The following VWF variants were observed in gnomAD, a reference collection of about 807,000 sequenced individuals.
VWF encodes von Willebrand factor.
VWF carries 176 observed loss-of-function variants against 308.6 expected under a neutral mutation model. That is an observed-to-expected ratio of 0.57 (90% CI 0.50 to 0.65). VWF has a LOEUF of 0.65. Among genes scored for constraint, VWF ranks in the 30% least tolerant of loss-of-function variants. The pLI, the probability that VWF is intolerant of heterozygous loss-of-function variation, is 0.00. For synonymous variants in VWF, 1,385 were observed against 1,443.4 expected (o/e 0.96, Z 0.92); for missense variants, 3,146 against 3,648.2 (o/e 0.86, Z 3.55).
rs1045504091 is a variant in VWF at position 6,071,353 on chromosome 12, G to A, written c.1110-10C>T. The A allele has an allele frequency of 3.1e-6, 5 of 1,614,084 alleles. No homozygotes were observed. The highest frequency in any genetic ancestry group is 4.2e-6 in the Non-Finnish European group (5 of 1,180,002). The stretch of plus-strand genomic sequence containing the variant: ...GCTGTTTCGGCAAATGCTGTTGGAG[G>A]GAAAAAGCACAGGTCATTGGTGGTT... On this transcript the variant is annotated splice_polypyrimidine_tract_variant and intron_variant, in intron 9 of 51. Coordinates refer to ENST00000261405, the MANE Select transcript of VWF (RefSeq NM_000552.5).
In VWF at chr12:6,057,893, A is replaced by T; in HGVS notation, c.1685T>A (p.Leu562Gln). The T allele has an allele frequency of 6.2e-7, 1 of 1,611,734 alleles. No individual in the cohort carries two copies. The highest frequency in any genetic ancestry group is 8.5e-7 in the Non-Finnish European group (1 of 1,178,754). The stretch of plus-strand genomic sequence containing the variant: ...GCAGGGATCGCTGTGCTGCTTCTGC[A>T]GGTCCTGGCAGTCCCCGTGCAGCTT... ...AWKLHGDCQD[L>Q]QKQHSDPCAL... is the part of the protein sequence containing the mutation. The change falls in exon 14 of 52, where the codon CTG becomes CAG. Residue 562 changes from leucine to glutamine, a missense_variant. Transcript: ENST00000261405.
At chr12:5,972,666 C>T (rs144097844) in intron 43 of VWF, among the ~76,000 whole-genome samples, 1 of 152,188 alleles carries the variant, frequency 6.6e-6, no homozygotes, top group African/African-American at 2.4e-5. Flanking sequence ...ACGAGACCTA[C>T]TGATATCACC....
Position 6,058,115 on chromosome 12 carries a change from A to T in VWF, c.1534-71T>A. The T allele has an allele frequency of 6.6e-7, 1 of 1,508,828 alleles. No individual in the cohort carries two copies. Among genetic ancestry groups the T allele is most frequent in the Non-Finnish European group, 9.0e-7 (1 of 1,113,728 alleles). The allele number at this position is 1,508,828 out of a possible 1,614,324, so 93.5% of individuals were successfully genotyped here. A position where few individuals can be genotyped will look rare whatever the true frequency, so the allele number is the denominator to read the frequency against. The stretch of plus-strand genomic sequence containing the variant: ...GCGGCATAGTTGTTTAGCTAATGAG[A>T]TGGTTTTAATAAAAAAAAAAAAGTT... On this transcript the variant is annotated intron_variant, in intron 13 of 51. Transcript: ENST00000261405. The surrounding 1 kb of genome is among the most constrained non-coding windows in gnomAD (Gnocchi z 4.9).
At chr12:6,066,064 G>A (rs1403708477) in intron 10 of VWF, among the ~76,000 whole-genome samples, 2 of 152,188 alleles carry the variant, frequency 1.3e-5, no homozygotes, top group Admixed American at 6.5e-5. Flanking sequence ...TGTGGGTGGG[G>A]ACTAGGACTC....
At chr12:6,026,636 G>A (rs1019518192) in intron 22 of VWF, among the ~76,000 whole-genome samples, 4 of 152,188 alleles carry the variant, frequency 2.6e-5, no homozygotes, top group African/African-American at 9.7e-5. Context: ...AAGTAGTTAC[G>A]AATGAGTGAG....
At position 6,029,477 on chromosome 12, in the gene VWF, C is replaced by A; in HGVS notation, c.2832G>T (p.Lys944Asn). Residue 944 changes from lysine to asparagine, a missense_variant, in exon 22 of 52, where the codon AAG (lysine) becomes AAT (asparagine). Lys to Asn is a moderately conservative substitution (Grantham distance 94, BLOSUM62 0). Transcript: ENST00000261405. Reference protein sequence around the residue: ...IELFDGEVNVKRPMKDETHFE... With the variant: ...IELFDGEVNVNRPMKDETHFE... The stretch of plus-strand genomic sequence containing the variant: ...AGTGAGTCTCATCCTTCATGGGCCT[C>A]TTCACATTCACCTGGAGGAAGACAA... The A allele has an allele frequency of 6.2e-7, 1 of 1,614,170 alleles. No individual in the cohort carries two copies. The highest frequency in any genetic ancestry group is 8.5e-7 in the Non-Finnish European group (1 of 1,180,036).
chr12:5,949,300 C>T (rs1943151224), intron 51 of VWF, 97 bp from the exon 52 acceptor site: 4 of 1,305,364 alleles, frequency 3.1e-6, no homozygotes, highest in Non-Finnish European at 4.3e-6. Context: ...TGACCCCCTC[C>T]AAGCAAGGCA....
intron 6 of VWF, among the ~76,000 whole-genome samples, chr12:6,085,343 T>C (rs922238834): frequency 1.1e-4 from 16 of 152,230 alleles, no homozygotes; most frequent in African/African-American, 3.9e-4. Context: ...ACTTGGCGAT[T>C]TGTCATTTAC....
rs1307718211 is a variant in VWF, at chr12:6,057,003, C to T, written c.1799G>A (p.Ser600Asn). Reference sequence around the variant, plus strand: ...GCAGTTCCGCAGGTAGGGCAGCGGGCTGACGGCACGATGGCAGGCCTCGAA... The same window carrying T: ...GCAGTTCCGCAGGTAGGGCAGCGGGTTGACGGCACGATGGCAGGCCTCGAA... ...PTFEACHRAVSPLPYLRNCRY... is the reference protein window; with the variant it reads ...PTFEACHRAVNPLPYLRNCRY... The change falls in exon 15 of 52, where the codon AGC (serine) becomes AAC (asparagine). Residue 600 changes from serine (S) to asparagine (N), a missense_variant. Ser to Asn is a conservative substitution (Grantham distance 46). Around this residue, in one of 3 missense-constraint regions of VWF, gnomAD observed 1,304 missense variants for 1,353.0 expected, o/e 0.96. Coordinates refer to ENST00000261405, the MANE Select transcript of VWF (RefSeq NM_000552.5). 2.1e-5 allele frequency: 32 copies of T among 1,548,270 alleles called. No homozygotes were observed. Among genetic ancestry groups the T allele is most frequent in the Non-Finnish European group, 2.7e-5 (31 of 1,151,886 alleles).
chr12:6,044,268 C>G (rs1220558384), intron 18 of VWF, 23 bp downstream of exon 18: 2 of 1,613,644 alleles, frequency 1.2e-6, no homozygotes, highest in Non-Finnish European at 1.7e-6. Flanking sequence ...GGGCAGGCAC[C>G]AGCTCTGTGC....
At chr12:5,976,962 G>T (rs1205027306) in intron 42 of VWF, among the ~76,000 whole-genome samples, 1 of 152,188 alleles carries the variant, frequency 6.6e-6, no homozygotes, top group Non-Finnish European at 1.5e-5. Context: ...TGACAGTTTT[G>T]AAATTAATCC....
At chr12:6,103,395 T>TACACACGTGTGTGTATAC (rs202145763) in intron 5 of VWF, among the ~76,000 whole-genome samples, 7 of 106,644 alleles carry the variant, frequency 6.6e-5, no homozygotes, top group Non-Finnish European at 1.2e-4. Flanking sequence ...CGTGTGTGTA[T>TACACACGTGTGTGTATAC]ACACGTGTGT....
chr12:5,955,342 T>C (rs1297747020), intron 47 of VWF, among the ~76,000 whole-genome samples: 2 of 152,096 alleles, frequency 1.3e-5, no homozygotes, highest in African/African-American at 4.8e-5. Flanking sequence ...GCATTACGTA[T>C]ATCTCCTAAT....
intron 37 of VWF, among the ~76,000 whole-genome samples, 170 bp from the exon 38 acceptor site, chr12:5,992,188 G>A (rs189686075): frequency 1.2e-4 from 19 of 152,306 alleles, no homozygotes; most frequent in Non-Finnish European, 2.4e-4. Context: ...TTTAGGCTGG[G>A]CATATGACCA....
chr12:6,112,359 TG>T (rs1945317027), intron 3 of VWF, among the ~76,000 whole-genome samples: 3 of 152,204 alleles, frequency 2.0e-5, no homozygotes, highest in Admixed American at 2.0e-4. Flanking sequence ...CTACTCGTGG[TG>T]GGTCTTTGAT....
In VWF at chr12:6,110,586, G is replaced by A; in HGVS notation, c.324-4C>T. 6.2e-7 allele frequency: 1 copy of A among 1,614,082 alleles called. No homozygotes were observed. Among genetic ancestry groups the A allele is most frequent in the Non-Finnish European group, 8.5e-7 (1 of 1,179,984 alleles). On this transcript the variant is annotated splice_region_variant and splice_polypyrimidine_tract_variant and intron_variant, in intron 4 of 51. Transcript: ENST00000261405. The stretch of plus-strand genomic sequence containing the variant: ...GGAGGCATAGGGCATGGAGACTCTG[G>A]AGGGCAAAGGCTAAGTTCAGAAGTG...
At position 6,071,354 on chromosome 12, in the gene VWF, G is replaced by T. The variant is rs755865968; in HGVS notation, c.1110-11C>A. ...CTGTTTCGGCAAATGCTGTTGGAGG[G>T]AAAAAGCACAGGTCATTGGTGGTTC... On this transcript the variant is annotated splice_polypyrimidine_tract_variant and intron_variant, in intron 9 of 51. Coordinates refer to ENST00000261405, the MANE Select transcript of VWF (RefSeq NM_000552.5). The T allele has an allele frequency of 2.5e-6, 4 of 1,614,080 alleles. No individual in the cohort carries two copies. The South Asian group carries it at 3.3e-5, about 13-fold the overall frequency.
chr12:6,059,862 G>A (rs577325237), intron 13 of VWF, among the ~76,000 whole-genome samples: 101 of 152,344 alleles, frequency 6.6e-4, no homozygotes, highest in Non-Finnish European at 9.0e-4. Context: ...CTCCTGATGT[G>A]CTGGAATGCA....
intron 47 of VWF, among the ~76,000 whole-genome samples, chr12:5,963,019 G>T (rs1388250122): frequency 6.6e-6 from 1 of 152,118 alleles, no homozygotes; most frequent in African/African-American, 2.4e-5. Flanking sequence ...AAACTATAAT[G>T]CTTCTAAAAG....
Sources: gnomAD v4.1 joint callset for allele counts (sites outside exome capture counted in the v4.1 genomes callset) on GRCh38, gnomAD v4.1.1 for gene constraint, gnomAD v4.1.1 regional missense constraint, Gnocchi (gnomAD v3.1) non-coding constraint, MANE v1.5 for transcripts, NCBI Gene and HGNC (gene_info 2026-07-23, HGNC 2026-07-21) for gene names.